FGFR2: variants seen among roughly 807,000 people sequenced by gnomAD.
The protein encoded by FGFR2 is fibroblast growth factor receptor 2, also known as BEK fibroblast growth factor receptor.
A neutral mutation model predicts 95.9 loss-of-function variants in FGFR2; 19 were observed. That is an observed-to-expected ratio of 0.20 (90% confidence interval 0.14 to 0.29). The LOEUF (loss-of-function observed/expected upper bound fraction) is 0.29. FGFR2 is among the 10% of genes least tolerant of loss of function. The pLI is 1.00. For missense variants in FGFR2, 707 were observed against 1,056.9 expected (o/e 0.67, Z 4.59); for synonymous variants, 392 against 393.3 (o/e 1.00, Z 0.04).
chr10:121,480,198 C>G, intron 17 of FGFR2, 177 bp from the exon 18 acceptor site: 1 of 791,518 alleles, frequency 1.3e-6, no homozygotes, highest in Non-Finnish European at 2.2e-6. Flanking sequence ...CAGGAGACCC[C>G]TAGAAGGTGA....
intron 6 of FGFR2, among the ~76,000 whole-genome samples, chr10:121,534,088 T>C (rs986414997): frequency 4.9e-5 from 7 of 142,682 alleles, no homozygotes; most frequent in African/African-American, 1.9e-4. Context: ...GGTCCCAAAA[T>C]GGCTTTTTTT....
intron 2 of FGFR2, among the ~76,000 whole-genome samples, chr10:121,576,233 T>C (rs59878206): frequency 1.3e-5 from 2 of 152,154 alleles, no homozygotes; most frequent in Non-Finnish European, 2.9e-5. Context: ...TCAGAAAGCA[T>C]TTCCCAAAGC....
chr10:121,535,276 G>C (rs1292515701), intron 6 of FGFR2, among the ~76,000 whole-genome samples: 1 of 152,210 alleles, frequency 6.6e-6, no homozygotes, highest in East Asian at 1.9e-4. Flanking sequence ...ATAGTAATTT[G>C]TTAGGGGTAC....
At chr10:121,548,124 C>T (rs974620058) in intron 5 of FGFR2, among the ~76,000 whole-genome samples, 1 of 152,028 alleles carries the variant, frequency 6.6e-6, no homozygotes, top group African/African-American at 2.4e-5. Context: ...CTGCAACTAG[C>T]GGGCCAACCT....
rs750658442 is a variant in FGFR2 at position 121,485,540 on chromosome 10, A to G, written c.2058-8T>C. On this transcript the variant is annotated splice_polypyrimidine_tract_variant and splice_region_variant and intron_variant, in intron 15 of 17. Transcript: ENST00000358487. The surrounding 1 kb of genome is among the most constrained non-coding windows in gnomAD (Gnocchi z 4.2). The stretch of plus-strand genomic sequence containing the variant: ...AACACCCCGAAGGACCAGCTGCAAC[A>G]AAAGGAGAAAGCACGGCATTACTAA... 6.2e-7 allele frequency: 1 copy of G among 1,614,084 alleles called. No homozygotes were observed. Among genetic ancestry groups the G allele is most frequent in the Non-Finnish European group, 8.5e-7 (1 of 1,179,990 alleles).
chr10:121,565,984 C>T, intron 2 of FGFR2: 2 of 533,382 alleles, frequency 3.7e-6, no homozygotes, highest in Non-Finnish European at 6.8e-6. Context: ...GAATATTCCA[C>T]AAGAAAATGT....
intron 2 of FGFR2, among the ~76,000 whole-genome samples, chr10:121,577,178 T>TATATATATATAGAGAGAGAG: frequency 1.1e-3 from 6 of 5,218 alleles, no homozygotes; most frequent in African/African-American, 1.6e-3. Context: ...TATATATATA[T>TATATATATATAGAGAGAGAG]AGAGAGAGAG....
At chr10:121,577,400 A>G (rs2135305406) in intron 2 of FGFR2, among the ~76,000 whole-genome samples, 1 of 151,810 alleles carries the variant, frequency 6.6e-6, no homozygotes, top group East Asian at 1.9e-4. Context: ...GCTAAACAGG[A>G]AAAAAAGCAA....
intron 4 of FGFR2, among the ~76,000 whole-genome samples, chr10:121,554,480 AGGTG>A (rs1452393470): frequency 6.7e-6 from 1 of 149,814 alleles, no homozygotes; most frequent in Non-Finnish European, 1.5e-5. Context: ...CTGGGACTAC[AGGTG>A]CCCGCCACCA....
chr10:121,517,188 T>A lies in FGFR2; in HGVS notation c.1084+131A>T, dbSNP rs1416275363. ...AGGCAGTTTTCTTATCCCTGAGGGA[T>A]CATTTTTAACATTTTTTATATCTTT... On this transcript the variant is annotated intron_variant, in intron 8 of 17. Transcript: ENST00000358487. This position sits in a 1 kb window ranked among gnomAD's most constrained non-coding sequence, Gnocchi z 4.7. The A allele has an allele frequency of 3.0e-6, 3 of 1,014,936 alleles. No individual in the cohort carries two copies. In the South Asian group the frequency reaches 4.1e-5, roughly 14 times the overall value. 62.9% of individuals were successfully genotyped at this position (1,014,936 alleles called of 1,614,324 possible). A position where few individuals can be genotyped will look rare whatever the true frequency, so the allele number is the denominator to read the frequency against.
chr10:121,517,584 C>T lies in FGFR2; in HGVS notation c.940-121G>A, dbSNP rs1296865232. ...GGGGGTGCTGGCCACTGGGAGATTC[C>T]GACTGCAGCCCATCCACAAAGCCCA... is the stretch of plus-strand genomic sequence containing the variant. On this transcript the variant is annotated intron_variant, in intron 7 of 17. Transcript: ENST00000358487. This position sits in a 1 kb window ranked among gnomAD's most constrained non-coding sequence, Gnocchi z 4.7. 17 of 1,104,920 alleles carry T rather than the reference C, an allele frequency of 1.5e-5. No homozygotes were observed. Among genetic ancestry groups the T allele is most frequent in the South Asian group, 3.9e-5 (3 of 76,278 alleles). 68.4% of individuals were successfully genotyped at this position (1,104,920 alleles called of 1,614,324 possible). A position where few individuals can be genotyped will look rare whatever the true frequency, so the allele number is the denominator to read the frequency against.
intron 4 of FGFR2, 114 bp from the exon 5 acceptor site, chr10:121,551,573 A>C (rs1175563242): frequency 1.3e-5 from 13 of 985,738 alleles, no homozygotes; most frequent in Non-Finnish European, 2.0e-5. Flanking sequence ...GCTATTTTTT[A>C]AATCTTTGGG....
In FGFR2 at chr10:121,479,862, T is replaced by C. The variant is rs866527033; in HGVS notation, c.2461A>G (p.Thr821Ala). 1 of 1,614,170 alleles carries C rather than the reference T, an allele frequency of 6.2e-7. No homozygotes were observed. Among genetic ancestry groups the C allele is most frequent in the Non-Finnish European group, 8.5e-7 (1 of 1,180,036 alleles). Residue 821 changes from threonine (T) to alanine (A), a missense_variant, in exon 18 of 18, where the codon ACA becomes GCA. This residue lies in a region of FGFR2 where 51 missense variants were observed against 50.2 expected (regional missense o/e 1.01). Coordinates refer to ENST00000358487, the MANE Select transcript of FGFR2 (RefSeq NM_000141.5). ...GGACAGGCAGACACAGTCATTCATG[T>C]TTTAACACTGCCGTTTATGTGTGGA... ...QYPHINGSVK[T>A] is the part of the protein sequence containing the mutation.
At chr10:121,547,444 G>T (rs1314501945) in intron 5 of FGFR2, among the ~76,000 whole-genome samples, 1 of 150,544 alleles carries the variant, frequency 6.6e-6, no homozygotes, top group Non-Finnish European at 1.5e-5. Context: ...ATCCAGGCTG[G>T]ACTGCAGAGG....
At chr10:121,572,837 C>T (rs1859038719) in intron 2 of FGFR2, among the ~76,000 whole-genome samples, 3 of 152,250 alleles carry the variant, frequency 2.0e-5, no homozygotes, top group Non-Finnish European at 4.4e-5. Flanking sequence ...TGACATCACA[C>T]AGAGTGCCAC....
rs114950001 is a variant in FGFR2, at chr10:121,582,331, T to A, written c.109+11378A>T. Among the ~76,000 whole-genome samples, 1,134 of 152,184 alleles carry A rather than the reference T, an allele frequency of 7.5e-3. 14 individuals are homozygous for A. Among genetic ancestry groups the A allele is most frequent in the African/African-American group, 0.021 (888 of 41,508 alleles). ...CCCACAGAACCTGGCACATAGTAGG[T>A]CTCAAAAATTATTTGGGGAGCAAAT... On this transcript the variant is annotated intron_variant, in intron 2 of 17. Transcript: ENST00000358487.
intron 2 of FGFR2, among the ~76,000 whole-genome samples, chr10:121,584,189 C>G (rs916628762): frequency 6.6e-6 from 1 of 151,932 alleles, no homozygotes; most frequent in Non-Finnish European, 1.5e-5. Context: ...TGGGTCCCAT[C>G]ACAATTTCCT....
chr10:121,576,212 G>C (rs575330708), intron 2 of FGFR2, among the ~76,000 whole-genome samples: 1 of 152,186 alleles, frequency 6.6e-6, no homozygotes, highest in African/African-American at 2.4e-5. Context: ...TAAATAAATC[G>C]AGTCTTTTGT....
chr10:121,576,211 C>T (rs1402751785), intron 2 of FGFR2, among the ~76,000 whole-genome samples: 1 of 152,072 alleles, frequency 6.6e-6, no homozygotes, highest in African/African-American at 2.4e-5. Flanking sequence ...ATAAATAAAT[C>T]GAGTCTTTTG....
Sources: allele counts gnomAD v4.1 joint callset (sites outside exome capture counted in the v4.1 genomes callset), GRCh38; gene constraint gnomAD v4.1.1; regional missense constraint gnomAD v4.1.1; non-coding constraint Gnocchi (gnomAD v3.1); transcripts MANE v1.5; gene names NCBI Gene and HGNC (gene_info 2026-07-23, HGNC 2026-07-21).